The following SCAF4 variants were observed in gnomAD, a reference collection of about 807,000 sequenced individuals.
SCAF4 encodes SR-related and CTD-associated factor 4.
In SCAF4, 25 loss-of-function variants were observed where a neutral mutation model predicts 129.8. That is an observed-to-expected ratio of 0.19 (90% CI 0.14 to 0.27). SCAF4 has a LOEUF of 0.27. Among genes scored for constraint, SCAF4 ranks in the 10% least tolerant of loss-of-function variants. The probability of loss-of-function intolerance (pLI) is 1.00; values close to 1 mark genes in which losing one functional copy is unlikely to be tolerated. For synonymous variants in SCAF4, 551 were observed against 497.7 expected (o/e 1.11, Z -1.43); for missense variants, 1,246 against 1,457.1 (o/e 0.86, Z 2.36).
At position 31,672,166 on chromosome 21, in the gene SCAF4, C is replaced by G; in HGVS notation, c.2677G>C (p.Gly893Arg). Residue 893 changes from glycine (G) to arginine (R), a missense_variant, in exon 20 of 20, where the codon GGA becomes CGA. By Grantham distance (125) the Gly-to-Arg change is moderately radical (BLOSUM62 -2). Around this residue, in one of 6 missense-constraint regions of SCAF4, gnomAD observed 468 missense variants for 605.5 expected, o/e 0.77. Transcript: ENST00000286835. ...PHMMHRGPPP[G>R]PGGFAMPPPH... ...GGAGGCATCGCAAAGCCCCCTGGTC[C>G]TGGCGGTGGGCCTCTGTGCATCATG... 1 of 1,604,382 alleles carries G rather than the reference C, an allele frequency of 6.2e-7. No homozygotes were observed. Among genetic ancestry groups the G allele is most frequent in the South Asian group, 1.1e-5 (1 of 90,526 alleles).
At chr21:31,692,125 T>C (rs2050274085) in intron 13 of SCAF4, 195 bp from the exon 14 acceptor site, 1 of 593,516 alleles carries the variant, frequency 1.7e-6, no homozygotes, top group African/African-American at 1.9e-5. Context: ...AAGACTTACC[T>C]AGAAATGTTT....
intron 19 of SCAF4, among the ~76,000 whole-genome samples, 175 bp from the exon 20 acceptor site, chr21:31,672,529 T>C (rs566795257): frequency 3.9e-5 from 6 of 152,176 alleles, no homozygotes; most frequent in Admixed American, 2.6e-4. Context: ...AGGCAAGCAA[T>C]TGCAAAGACA....
Position 31,712,345 on chromosome 21 carries a change from G to A in SCAF4, c.31-5988C>T, listed in dbSNP as rs534549463. Among the ~76,000 whole-genome samples the A allele has an allele frequency of 4.6e-5, 7 of 151,048 alleles. No homozygotes were observed. In the South Asian group the frequency reaches 1.1e-3, roughly 23 times the overall value. On this transcript the variant is annotated intron_variant, in intron 1 of 19. Coordinates refer to ENST00000286835, the MANE Select transcript of SCAF4 (RefSeq NM_020706.2). Reference sequence around the variant, plus strand: ...CGATTCTCATGCCTCAGCCTCCTGAGTAGCTGGGATTACAGACGTGCACCA... The same window carrying A: ...CGATTCTCATGCCTCAGCCTCCTGAATAGCTGGGATTACAGACGTGCACCA...
intron 1 of SCAF4, among the ~76,000 whole-genome samples, chr21:31,711,367 T>C (rs746518090): frequency 6.6e-6 from 1 of 152,226 alleles, no homozygotes; most frequent in Non-Finnish European, 1.5e-5. Context: ...CCTACAGCAA[T>C]GCCTTCACTG....
intron 19 of SCAF4, among the ~76,000 whole-genome samples, chr21:31,676,962 G>A (rs1004908558): frequency 2.0e-5 from 3 of 152,070 alleles, no homozygotes; most frequent in African/African-American, 7.2e-5. Context: ...ATGTGGTCCT[G>A]TGTGACTGAC....
At chr21:31,706,551 A>G in intron 1 of SCAF4, 194 bp from the exon 2 acceptor site, 1 of 554,056 alleles carries the variant, frequency 1.8e-6, no homozygotes, top group South Asian at 2.4e-5. Context: ...CACTGCCGTG[A>G]TACCCAAGAA....
Position 31,729,440 on chromosome 21 carries a change from T to C in SCAF4, c.30+2223A>G, listed in dbSNP as rs551974802. Among the ~76,000 whole-genome samples the C allele has an allele frequency of 2.0e-5, 3 of 152,354 alleles. No homozygotes were observed. In the South Asian group the frequency reaches 6.2e-4, roughly 32 times the overall value. On this transcript the variant is annotated intron_variant, in intron 1 of 19. Transcript: ENST00000286835. ...TTATTTGTCTAAGTCTTATGTCCTC[T>C]ATTGGATTAGACTTTTAGGTGACTG... is the stretch of plus-strand genomic sequence containing the variant.
At chr21:31,674,492 T>G (rs2049799697) in intron 19 of SCAF4, among the ~76,000 whole-genome samples, 1 of 152,236 alleles carries the variant, frequency 6.6e-6, no homozygotes, top group African/African-American at 2.4e-5. Context: ...CCTGATAGAA[T>G]ATGCCCATAG....
rs1364894064 is a variant in SCAF4 at position 31,696,598 on chromosome 21, A to G, written c.930T>C (p.Ala310=). Residue 310 remains alanine (A), a synonymous_variant, in exon 8 of 20, where the codon GCT becomes GCC. Coordinates refer to ENST00000286835, the MANE Select transcript of SCAF4 (RefSeq NM_020706.2). ...GTGCCTGTGGAGGAGGAGGAGAGGC[A>G]GCAGCGGGTGCAGCAGCAGCAGGCA... The part of the protein sequence containing the change: ...ATVPAAAAPA[A]ASPPPPQAPF... The G allele has an allele frequency of 6.2e-7, 1 of 1,611,148 alleles. No individual in the cohort carries two copies. Among genetic ancestry groups the G allele is most frequent in the South Asian group, 1.1e-5 (1 of 90,886 alleles).
rs755891130 is a variant in SCAF4, at chr21:31,704,506, A to G, written c.160-580T>C. ...ATAAAAGCAAAGTCTTATTTAATCC[A>G]CCAATTCTACATCTAGGAATTTATG... On this transcript the variant is annotated intron_variant, in intron 3 of 19. Transcript: ENST00000286835. Among the ~76,000 whole-genome samples the G allele has an allele frequency of 7.6e-4, 115 of 151,332 alleles. 1 individual carries two copies. The highest frequency in any genetic ancestry group is 3.2e-3 in the Admixed American group (48 of 15,200).
In SCAF4 at chr21:31,702,376, T is replaced by C; in HGVS notation, c.325A>G (p.Lys109Glu). Residue 109 changes from lysine (K) to glutamate (E), a missense_variant, in exon 5 of 20, where the codon AAA becomes GAA. Around this residue, in one of 6 missense-constraint regions of SCAF4, gnomAD observed 56 missense variants for 139.4 expected, o/e 0.40. Transcript: ENST00000286835. ...CAAAGGTTCAGCACACGAACTATTTTACTCTGTTACGCATGAGAAACACAA... is the reference window on the plus strand; with the variant it reads ...CAAAGGTTCAGCACACGAACTATTTCACTCTGTTACGCATGAGAAACACAA... ...LYLCPSEDKS[K>E]IVRVLNLWQK... The C allele has an allele frequency of 6.2e-7, 1 of 1,613,730 alleles. No individual in the cohort carries two copies. The highest frequency in any genetic ancestry group is 8.5e-7 in the Non-Finnish European group (1 of 1,179,726).
chr21:31,711,242 T>C (rs1362713464), intron 1 of SCAF4, among the ~76,000 whole-genome samples: 2 of 152,248 alleles, frequency 1.3e-5, no homozygotes, highest in Admixed American at 6.5e-5. Flanking sequence ...AATTGGAGGT[T>C]TGCAAAATCA....
intron 1 of SCAF4, among the ~76,000 whole-genome samples, chr21:31,717,981 T>C (rs1389063333): frequency 2.0e-5 from 3 of 151,084 alleles, no homozygotes; most frequent in South Asian, 2.1e-4. Context: ...TTCACTCTCA[T>C]TGCCCAGGCT....
rs116285864 is a variant in SCAF4, at chr21:31,676,940, G to A, written c.2489-4586C>T. Among the ~76,000 whole-genome samples, 604 of 152,030 alleles carry A rather than the reference G, an allele frequency of 4.0e-3. 7 individuals are homozygous for A. The highest frequency in any genetic ancestry group is 0.013 in the African/African-American group (558 of 41,446). ...TACCTATTAACATTCTGTATAAATGGAATCATAAAATATGTGGTCCTGTGT... is the reference window on the plus strand; with the variant it reads ...TACCTATTAACATTCTGTATAAATGAAATCATAAAATATGTGGTCCTGTGT... On this transcript the variant is annotated intron_variant, in intron 19 of 19. Coordinates refer to ENST00000286835, the MANE Select transcript of SCAF4 (RefSeq NM_020706.2).
At chr21:31,718,226 G>T (rs1042990963) in intron 1 of SCAF4, among the ~76,000 whole-genome samples, 7 of 152,112 alleles carry the variant, frequency 4.6e-5, no homozygotes, top group African/African-American at 1.7e-4. Flanking sequence ...GATTACAGGC[G>T]TGAGGCACTG....
chr21:31,720,057 C>G (rs1184619542), intron 1 of SCAF4, among the ~76,000 whole-genome samples: 2 of 152,192 alleles, frequency 1.3e-5, no homozygotes, highest in African/African-American at 4.8e-5. Context: ...TGCCAGTGCT[C>G]TCCTTTAGCA....
chr21:31,696,060 T>C, intron 9 of SCAF4, 53 bp downstream of exon 9: 1 of 1,314,650 alleles, frequency 7.6e-7, no homozygotes, highest in Non-Finnish European at 1.1e-6. Flanking sequence ...ATGCAAACCA[T>C]ACGCTCTATA....
intron 1 of SCAF4, among the ~76,000 whole-genome samples, chr21:31,720,218 C>T (rs1228055600): frequency 6.6e-6 from 1 of 152,180 alleles, no homozygotes; most frequent in Admixed American, 6.5e-5. Context: ...GATTCCAGGA[C>T]ATAAAATCAT....
At chr21:31,695,204 A>T (rs2050356428) in intron 9 of SCAF4, among the ~76,000 whole-genome samples, 1 of 152,252 alleles carries the variant, frequency 6.6e-6, no homozygotes. Flanking sequence ...AATTATGAAC[A>T]CACAGGTTTA....
Sources: allele counts gnomAD v4.1 joint callset (sites outside exome capture counted in the v4.1 genomes callset), GRCh38; gene constraint gnomAD v4.1.1; regional missense constraint gnomAD v4.1.1; transcripts MANE v1.5; gene names NCBI Gene and HGNC (gene_info 2026-07-23, HGNC 2026-07-21).